CADM3: variants seen among roughly 807,000 people sequenced by gnomAD.
CADM3 encodes the protein TSLC1-like 1.
CADM3 carries 11 observed loss-of-function variants against 44.9 expected under a neutral mutation model. The ratio of observed to expected loss-of-function variants is 0.25; its 90% CI spans 0.15 to 0.41. The LOEUF is 0.41. Ranked by LOEUF, CADM3 falls within the 10% of genes least tolerant of loss-of-function variation. CADM3 has a pLI of 1.00. For synonymous variants in CADM3, 207 were observed against 205.2 expected, an observed-to-expected ratio of 1.01 and a Z score of -0.08; for missense variants, 426 against 512.0, an observed-to-expected ratio of 0.83 and a Z score of 1.62.
At chr1:159,185,233 A>T (rs989273410) in intron 1 of CADM3, among the ~76,000 whole-genome samples, 1 of 152,196 alleles carries the variant, frequency 6.6e-6, no homozygotes, top group Non-Finnish European at 1.5e-5. Context: ...TGTACATTCA[A>T]TGGGTACAAA....
intron 1 of CADM3, among the ~76,000 whole-genome samples, chr1:159,190,112 TA>T (rs1649587747): frequency 6.6e-6 from 1 of 152,132 alleles, no homozygotes. Context: ...TTTCCAAAAA[TA>T]AAATGATTCC....
chr1:159,199,984 C>A, intron 8 of CADM3, 108 bp downstream of exon 8: 1 of 1,395,294 alleles, frequency 7.2e-7, no homozygotes, highest in Non-Finnish European at 9.9e-7. Flanking sequence ...AGAGACTTGT[C>A]AGCCCTTTGG....
chr1:159,190,228 C>T (rs549897531), intron 1 of CADM3, among the ~76,000 whole-genome samples: 20 of 152,264 alleles, frequency 1.3e-4, no homozygotes, highest in Admixed American at 2.6e-4. Flanking sequence ...AAAATTGGCA[C>T]GTGGCTATGG....
intron 8 of CADM3, among the ~76,000 whole-genome samples, chr1:159,200,545 C>T (rs1224789413): frequency 2.2e-5 from 3 of 136,430 alleles, no homozygotes; most frequent in East Asian, 2.0e-4. Flanking sequence ...CACACACACA[C>T]ACACACACAC....
chr1:159,183,418 G>C (rs533205463), intron 1 of CADM3, among the ~76,000 whole-genome samples: 1 of 152,126 alleles, frequency 6.6e-6, no homozygotes, highest in Non-Finnish European at 1.5e-5. Context: ...GGAAAAACCA[G>C]ACAGCAACAG....
chr1:159,187,031 C>T (rs554903386), intron 1 of CADM3, among the ~76,000 whole-genome samples: 18 of 152,180 alleles, frequency 1.2e-4, no homozygotes, highest in African/African-American at 4.1e-4. Flanking sequence ...AAAAAAGATG[C>T]CTGTGAAATG....
At chr1:159,185,209 C>T (rs957915583) in intron 1 of CADM3, among the ~76,000 whole-genome samples, 1 of 152,186 alleles carries the variant, frequency 6.6e-6, no homozygotes, top group Non-Finnish European at 1.5e-5. Flanking sequence ...CACATTAAGG[C>T]ATCCAAGTAA....
intron 1 of CADM3, among the ~76,000 whole-genome samples, chr1:159,186,775 G>A (rs901538813): frequency 1.3e-5 from 2 of 152,104 alleles, no homozygotes; most frequent in African/African-American, 4.8e-5. Context: ...GAGATTATAA[G>A]TGCATTTCAA....
intron 1 of CADM3, among the ~76,000 whole-genome samples, chr1:159,187,417 G>A (rs1482504535): frequency 1.3e-5 from 2 of 152,222 alleles, no homozygotes; most frequent in African/African-American, 4.8e-5. Flanking sequence ...AGCACCATCA[G>A]AGGCAGAAGG....
chr1:159,182,074 ACACACACACACACG>A (rs1352761972), intron 1 of CADM3, among the ~76,000 whole-genome samples: 3 of 145,816 alleles, frequency 2.1e-5, no homozygotes, highest in African/African-American at 7.7e-5. Flanking sequence ...ACACACACAC[ACACACACACACACG>A]CACACACACA....
In CADM3 at chr1:159,202,478, C is replaced by G. The variant is rs1440253635; in HGVS notation, c.*1556C>G. ...TCCTTGGCGTTGACCCTGGAAAGAC[C>G]TACCACCACCTATTTTTTCCCATAG... On this transcript the variant is annotated 3_prime_UTR_variant, in exon 9 of 9. Transcript: ENST00000368125. 4 of 152,522 alleles carry G rather than the reference C, an allele frequency of 2.6e-5. No individual in the cohort carries two copies. The highest frequency in any genetic ancestry group is 6.5e-5 in the Admixed American group (1 of 15,278). 9.4% of individuals were successfully genotyped at this position (152,522 alleles called of 1,614,324 possible). A position where few individuals can be genotyped will look rare whatever the true frequency, so the allele number is the denominator to read the frequency against.
chr1:159,196,363 G>A lies in CADM3; in HGVS notation c.692-1G>A, dbSNP rs757070399. 1 of 1,613,876 alleles carries A rather than the reference G, an allele frequency of 6.2e-7. No individual in the cohort carries two copies. Among genetic ancestry groups the A allele is most frequent in the South Asian group, 1.1e-5 (1 of 91,068 alleles). ...CATTGATACCATTTCCTTCTCCACAGACACACCAACTGCGATGATTAGGCC... is the reference window on the plus strand; with the variant it reads ...CATTGATACCATTTCCTTCTCCACAAACACACCAACTGCGATGATTAGGCC... On this transcript the variant is annotated splice_acceptor_variant, in intron 5 of 8. Coordinates refer to ENST00000368125, the MANE Select transcript of CADM3 (RefSeq NM_001127173.3). LOFTEE classifies it high-confidence loss of function.
intron 5 of CADM3, chr1:159,195,430 T>C (rs532780609): frequency 6.6e-6 from 1 of 152,406 alleles, no homozygotes; most frequent in African/African-American, 2.4e-5. Context: ...AGCTAAAGCC[T>C]TGGTCCCCTG....
chr1:159,180,001 C>T (rs1557930313), intron 1 of CADM3, among the ~76,000 whole-genome samples: 1 of 152,132 alleles, frequency 6.6e-6, no homozygotes, highest in African/African-American at 2.4e-5. Flanking sequence ...TTTGATTTAT[C>T]CTCAATTGCC....
chr1:159,197,723 A>G (rs1300012190), intron 7 of CADM3: 1 of 152,210 alleles, frequency 6.6e-6, no homozygotes, highest in Non-Finnish European at 1.5e-5. Flanking sequence ...TGAAGATCCC[A>G]ATGGCTGTGG....
intron 1 of CADM3, among the ~76,000 whole-genome samples, chr1:159,190,335 A>G (rs1452831135): frequency 3.3e-5 from 5 of 152,142 alleles, no homozygotes; most frequent in Non-Finnish European, 5.9e-5. Flanking sequence ...TAATCTCAAA[A>G]TCATAGTTTT....
intron 5 of CADM3, 146 bp downstream of exon 5, chr1:159,194,186 G>A (rs2814766): frequency 4.7e-6 from 4 of 854,524 alleles, no homozygotes; most frequent in Non-Finnish European, 1.8e-6. Context: ...GACTAGGCCA[G>A]GGTTGGCAAA....
chr1:159,198,500 G>A (rs1273808475), intron 7 of CADM3, among the ~76,000 whole-genome samples: 1 of 152,092 alleles, frequency 6.6e-6, no homozygotes, highest in Non-Finnish European at 1.5e-5. Context: ...TTCCTCCCAA[G>A]CAGGGCATAA....
intron 1 of CADM3, among the ~76,000 whole-genome samples, chr1:159,181,407 C>G (rs1235903753): frequency 5.3e-5 from 8 of 152,196 alleles, no homozygotes; most frequent in African/African-American, 1.9e-4. Context: ...TAAACAGACA[C>G]TCCTAAAATG....
Sources: allele counts gnomAD v4.1 joint callset (sites outside exome capture counted in the v4.1 genomes callset), GRCh38; gene constraint gnomAD v4.1.1; transcripts MANE v1.5; gene names NCBI Gene and HGNC (gene_info 2026-07-23, HGNC 2026-07-21).